SORCS3: variants seen among roughly 807,000 people sequenced by gnomAD.
SORCS3 encodes the protein sortilin related VPS10 domain containing receptor 3.
SORCS3 carries 57 observed loss-of-function variants against 146.3 expected under a neutral mutation model. That is an observed-to-expected ratio of 0.39 (90% CI 0.31 to 0.49). The LOEUF is 0.49. Ranked by LOEUF, SORCS3 falls within the 20% of genes least tolerant of loss-of-function variation. The pLI is 0.92. For synonymous variants in SORCS3, 653 were observed against 618.5 expected (o/e 1.06, Z -0.83); for missense variants, 1,341 against 1,575.5 (o/e 0.85, Z 2.52).
At chr10:104,786,061 C>T (rs1428456032) in intron 1 of SORCS3, among the ~76,000 whole-genome samples, 2 of 152,084 alleles carry the variant, frequency 1.3e-5, no homozygotes, top group Non-Finnish European at 2.9e-5. Flanking sequence ...CCTCTTTAGT[C>T]CCTGATCTCT....
At chr10:105,121,283 C>G (rs1410504575) in intron 7 of SORCS3, among the ~76,000 whole-genome samples, 1 of 152,182 alleles carries the variant, frequency 6.6e-6, no homozygotes, top group East Asian at 1.9e-4. Context: ...TTATGTCCAG[C>G]ATGTGTGCAT....
chr10:105,059,456 A>C (rs2055468525), intron 5 of SORCS3, among the ~76,000 whole-genome samples: 2 of 152,208 alleles, frequency 1.3e-5, no homozygotes, highest in South Asian at 4.2e-4. Flanking sequence ...GACATGAATG[A>C]GGTTACTGAT....
intron 1 of SORCS3, among the ~76,000 whole-genome samples, chr10:104,654,909 G>T (rs892413376): frequency 1.3e-5 from 2 of 152,118 alleles, no homozygotes; most frequent in Admixed American, 6.5e-5. Flanking sequence ...AGAGCCATTT[G>T]CTATTTACAC....
chr10:105,153,491 A>G (rs1452258619), intron 9 of SORCS3, among the ~76,000 whole-genome samples: 4 of 152,164 alleles, frequency 2.6e-5, no homozygotes, highest in African/African-American at 7.2e-5. Context: ...GAATGTAAGT[A>G]TATGTTTATA....
intron 4 of SORCS3, among the ~76,000 whole-genome samples, chr10:105,014,075 A>C (rs908645701): frequency 2.4e-5 from 2 of 83,466 alleles, no homozygotes; most frequent in Non-Finnish European, 4.7e-5. Flanking sequence ...ATACATATAT[A>C]TATATATACA....
At chr10:105,213,400 T>A (rs551508683) in intron 17 of SORCS3, among the ~76,000 whole-genome samples, 1 of 152,326 alleles carries the variant, frequency 6.6e-6, no homozygotes, top group African/African-American at 2.4e-5. Flanking sequence ...GATGGATTTG[T>A]TAATTATTCT....
At chr10:105,178,372 G>T (rs1323122742) in intron 14 of SORCS3, among the ~76,000 whole-genome samples, 199 bp downstream of exon 14, 1 of 152,034 alleles carries the variant, frequency 6.6e-6, no homozygotes, top group Non-Finnish European at 1.5e-5. Context: ...GGGAGGCTAG[G>T]GTCCTAATTG....
intron 3 of SORCS3, among the ~76,000 whole-genome samples, chr10:104,954,583 G>T (rs1428009043): frequency 1.3e-5 from 2 of 152,184 alleles, no homozygotes; most frequent in South Asian, 2.1e-4. Flanking sequence ...GCAGCTTGTG[G>T]CAAGTAGAAT....
At chr10:105,092,407 G>A (rs1007073723) in intron 6 of SORCS3, among the ~76,000 whole-genome samples, 1 of 151,820 alleles carries the variant, frequency 6.6e-6, no homozygotes, top group Non-Finnish European at 1.5e-5. Context: ...TGGAATTCTA[G>A]GGTTTTTAAA....
intron 5 of SORCS3, among the ~76,000 whole-genome samples, chr10:105,086,838 A>G (rs2055664095): frequency 6.6e-6 from 1 of 152,232 alleles, no homozygotes; most frequent in South Asian, 2.1e-4. Flanking sequence ...AGATTGCAGA[A>G]TTTTTCTCCC....
intron 3 of SORCS3, among the ~76,000 whole-genome samples, chr10:104,966,796 T>C (rs772127841): frequency 6.6e-5 from 10 of 152,142 alleles, no homozygotes; most frequent in Non-Finnish European, 1.3e-4. Context: ...GGTTTAGACA[T>C]AGATAAGCTG....
intron 4 of SORCS3, among the ~76,000 whole-genome samples, chr10:104,978,345 A>G (rs1024414988): frequency 3.3e-5 from 5 of 152,212 alleles, no homozygotes; most frequent in African/African-American, 4.8e-5. Context: ...CTAAAAATAC[A>G]TTAAAGATCT....
At position 104,768,042 on chromosome 10, in the gene SORCS3, A is replaced by C. The variant is rs182711398; in HGVS notation, c.628-74750A>C. 7.7e-3 allele frequency among the ~76,000 whole-genome samples: 1,180 copies of C among 152,284 alleles called. 16 individuals are homozygous for C. The highest frequency in any genetic ancestry group is 0.027 in the African/African-American group (1,117 of 41,558). ...GGCACTTGAGTCAAATGTTTTCTGA[A>C]AATAAACCTCTAAATATATTCTCCT... On this transcript the variant is annotated intron_variant, in intron 1 of 26. Transcript: ENST00000369701.
intron 3 of SORCS3, among the ~76,000 whole-genome samples, chr10:104,945,685 G>A (rs2019363408): frequency 6.6e-6 from 1 of 151,634 alleles, no homozygotes; most frequent in South Asian, 2.1e-4. Flanking sequence ...TTTAATGCAA[G>A]GTTTACTTTA....
At chr10:104,821,732 T>G (rs1038372316) in intron 1 of SORCS3, among the ~76,000 whole-genome samples, 2 of 152,188 alleles carry the variant, frequency 1.3e-5, no homozygotes, top group African/African-American at 2.4e-5. Context: ...GGAGCCTCTG[T>G]ACCATGGGAT....
chr10:104,648,620 C>G (rs763470242), intron 1 of SORCS3, among the ~76,000 whole-genome samples: 4 of 152,172 alleles, frequency 2.6e-5, no homozygotes, highest in Non-Finnish European at 5.9e-5. Context: ...TCTTACTAAC[C>G]ATTGTTAATG....
intron 4 of SORCS3, among the ~76,000 whole-genome samples, chr10:105,008,391 C>T (rs908781057): frequency 6.6e-6 from 1 of 152,128 alleles, no homozygotes; most frequent in African/African-American, 2.4e-5. Flanking sequence ...CAGCCTCTGA[C>T]CAAGGAAATA....
chr10:104,914,926 A>G (rs1049773672), intron 2 of SORCS3, among the ~76,000 whole-genome samples: 1 of 151,966 alleles, frequency 6.6e-6, no homozygotes, highest in African/African-American at 2.4e-5. Flanking sequence ...TTGTAAGTCT[A>G]GCCAAGGACA....
chr10:104,861,622 C>T (rs1000672138), intron 2 of SORCS3, among the ~76,000 whole-genome samples: 1 of 152,192 alleles, frequency 6.6e-6, no homozygotes, highest in African/African-American at 2.4e-5. Flanking sequence ...TTGGTGCTTG[C>T]CCCGGTGTGG....
Sources: allele counts gnomAD v4.1 joint callset (sites outside exome capture counted in the v4.1 genomes callset), GRCh38; gene constraint gnomAD v4.1.1; transcripts MANE v1.5; gene names NCBI Gene and HGNC (gene_info 2026-07-23, HGNC 2026-07-21).